Variants in VGLL4 observed in about 807,000 individuals in gnomAD.
The protein encoded by VGLL4 is vestigial like family member 4.
A neutral mutation model predicts 21.0 loss-of-function variants in VGLL4; 7 were observed. The ratio of observed to expected loss-of-function variants is 0.33; its 90% CI spans 0.19 to 0.63. VGLL4 has a LOEUF of 0.63. VGLL4 is among the 20% of genes least tolerant of loss of function. The probability of loss-of-function intolerance (pLI) is 0.78; values close to 1 mark genes in which losing one functional copy is unlikely to be tolerated. For missense variants in VGLL4, 394 were observed against 425.7 expected (o/e 0.93, Z 0.66); for synonymous variants, 222 against 173.2 (o/e 1.28, Z -2.21).
At chr3:11,707,150 TA>T (rs34457081) in intron 1 of VGLL4, among the ~76,000 whole-genome samples, 21,815 of 139,518 alleles carry the variant, frequency 0.16, 2,128 homozygotes, top group African/African-American at 0.28. Flanking sequence ...ACCCCATTTC[TA>T]AAAAAAAAAA....
intron 2 of VGLL4, among the ~76,000 whole-genome samples, chr3:11,593,330 C>G (rs2074549488): frequency 6.6e-6 from 1 of 152,166 alleles, no homozygotes; most frequent in African/African-American, 2.4e-5. Flanking sequence ...CATTTGAGGT[C>G]TCATATATAT....
intron 1 of VGLL4, among the ~76,000 whole-genome samples, chr3:11,615,429 T>C (rs1318866135): frequency 6.6e-6 from 1 of 152,222 alleles, no homozygotes; most frequent in African/African-American, 2.4e-5. Context: ...GTTAAATCTT[T>C]TTGGCAAGAA....
chr3:11,566,962 C>T (rs950025276), intron 2 of VGLL4, among the ~76,000 whole-genome samples: 4 of 152,190 alleles, frequency 2.6e-5, no homozygotes, highest in African/African-American at 9.6e-5. Context: ...TGTGGGTGGG[C>T]AGAATCATGG....
At chr3:11,625,290 T>C (rs73814948) in intron 1 of VGLL4, among the ~76,000 whole-genome samples, 79 of 152,330 alleles carry the variant, frequency 5.2e-4, no homozygotes, top group African/African-American at 1.9e-3. Flanking sequence ...GTAGGCCTCC[T>C]AAATAGGATT....
intron 2 of VGLL4, among the ~76,000 whole-genome samples, chr3:11,694,266 G>C (rs59829641): frequency 0.086 from 13,159 of 152,206 alleles, 675 homozygotes; most frequent in East Asian, 0.2. Context: ...AGATGGCTAG[G>C]TGCTATGTCA....
At chr3:11,562,168 AT>A (rs1326128782) in intron 3 of VGLL4, among the ~76,000 whole-genome samples, 1 of 152,010 alleles carries the variant, frequency 6.6e-6, no homozygotes, top group African/African-American at 2.4e-5. Context: ...AAGGGCTGGG[AT>A]TACAGGTGTG....
intron 1 of VGLL4, among the ~76,000 whole-genome samples, chr3:11,631,044 G>A (rs778095145): frequency 2.0e-5 from 3 of 152,148 alleles, no homozygotes; most frequent in African/African-American, 7.2e-5. Flanking sequence ...CGCATAAGAC[G>A]ACAATGCCAA....
chr3:11,716,222 A>G (rs1267382796), intron 1 of VGLL4, among the ~76,000 whole-genome samples: 1 of 151,760 alleles, frequency 6.6e-6, no homozygotes. Flanking sequence ...GAATCACTTG[A>G]AACCGGAAGG....
chr3:11,702,004 C>T (rs1428067058), intron 2 of VGLL4, among the ~76,000 whole-genome samples: 1 of 151,912 alleles, frequency 6.6e-6, no homozygotes, highest in East Asian at 1.9e-4. Context: ...TTCCTTTCAC[C>T]CATCCCTCAA....
At chr3:11,679,408 GGCGCGGTAGCTCAC>G (rs1467493074) in intron 2 of VGLL4, among the ~76,000 whole-genome samples, 30 of 152,298 alleles carry the variant, frequency 2.0e-4, no homozygotes, top group African/African-American at 6.5e-4. Flanking sequence ...TACAGAGCTG[GGCGCGGTAGCTCAC>G]GCCTGTAATT....
chr3:11,630,622 GACA>G (rs1288985196), intron 1 of VGLL4, among the ~76,000 whole-genome samples: 2 of 151,992 alleles, frequency 1.3e-5, no homozygotes, highest in Non-Finnish European at 2.9e-5. Flanking sequence ...CTCCAGCCTG[GACA>G]ACAAGAGTGA....
intron 2 of VGLL4, among the ~76,000 whole-genome samples, chr3:11,669,987 G>T (rs932491469): frequency 6.6e-6 from 1 of 152,086 alleles, no homozygotes; most frequent in Non-Finnish European, 1.5e-5. Flanking sequence ...TTTCAATTCT[G>T]CCATGCTTTG....
At chr3:11,650,036 C>T (rs574960788) in intron 2 of VGLL4, among the ~76,000 whole-genome samples, 1 of 152,230 alleles carries the variant, frequency 6.6e-6, no homozygotes, top group African/African-American at 2.4e-5. Flanking sequence ...ACTTCCCAGG[C>T]TCAAGTGATC....
intron 2 of VGLL4, among the ~76,000 whole-genome samples, chr3:11,567,027 C>T (rs2073566234): frequency 6.6e-6 from 1 of 152,082 alleles, no homozygotes; most frequent in African/African-American, 2.4e-5. Context: ...TTAGATGGAC[C>T]CTGCGGCCCA....
intron 2 of VGLL4, among the ~76,000 whole-genome samples, chr3:11,684,667 CA>C (rs1283572299): frequency 6.6e-6 from 1 of 151,972 alleles, no homozygotes; most frequent in African/African-American, 2.4e-5. Context: ...AGATGTGAGC[CA>C]CCACGCCTGG....
intron 2 of VGLL4, among the ~76,000 whole-genome samples, chr3:11,697,273 GT>G (rs376466335): frequency 1.2e-3 from 168 of 137,258 alleles, no homozygotes; most frequent in Middle Eastern, 3.8e-3. Flanking sequence ...GCTAATTGTG[GT>G]TTTTTTTTTT....
chr3:11,692,379 A>G (rs2076538792), intron 2 of VGLL4, among the ~76,000 whole-genome samples: 2 of 152,228 alleles, frequency 1.3e-5, no homozygotes, highest in African/African-American at 4.8e-5. Flanking sequence ...GCCCCCACTT[A>G]GAGAATGGCT....
At chr3:11,647,047 A>G (rs901489096), upstream of VGLL4, among the ~76,000 whole-genome samples, 1 of 152,240 alleles carries the variant, frequency 6.6e-6, no homozygotes, top group Admixed American at 6.5e-5. Context: ...ATTACATTTT[A>G]TAAACTATCA....
chr3:11,714,330 A>C (rs2076890051), intron 1 of VGLL4, among the ~76,000 whole-genome samples: 1 of 152,168 alleles, frequency 6.6e-6, no homozygotes. Flanking sequence ...GGGACAAATA[A>C]AAATCAAGTC....
Sources: allele counts gnomAD v4.1 joint callset (sites outside exome capture counted in the v4.1 genomes callset), GRCh38; gene constraint gnomAD v4.1.1; transcripts MANE v1.5; gene names NCBI Gene and HGNC (gene_info 2026-07-23, HGNC 2026-07-21).